The following IMMP2L variants were observed in gnomAD, a reference collection of about 807,000 sequenced individuals.
The protein encoded by IMMP2L is inner mitochondrial membrane peptidase subunit 2.
Under a neutral mutation model 19.3 loss-of-function variants are expected in IMMP2L, and 18 were observed. That is an observed-to-expected ratio of 0.93 (90% CI 0.64 to 1.38). The LOEUF is 1.38. IMMP2L is among the 40% of genes most tolerant of loss of function. IMMP2L has a pLI of 0.00. For synonymous variants in IMMP2L, 76 were observed against 73.0 expected (o/e 1.04, Z -0.21); for missense variants, 233 against 218.2 (o/e 1.07, Z -0.43).
chr7:111,326,692 A>G (rs536335600), intron 3 of IMMP2L, among the ~76,000 whole-genome samples: 1 of 151,976 alleles, frequency 6.6e-6, no homozygotes, highest in African/African-American at 2.4e-5. Context: ...CAACAACAAA[A>G]GAAAAACAAG....
chr7:111,393,708 C>G (rs1832608723), intron 3 of IMMP2L, among the ~76,000 whole-genome samples: 1 of 152,134 alleles, frequency 6.6e-6, no homozygotes, highest in African/African-American at 2.4e-5. Context: ...ACCACCATCC[C>G]TCACGCCCAA....
At position 111,123,225 on chromosome 7, in the gene IMMP2L, G is replaced by T. The variant is rs1298190866; in HGVS notation, c.240-159660C>A. ...AAGAACTCTATATTAATCACAACTT[G>T]CTTTCTACAATTTCACCTGGAGCCT... On this transcript the variant is annotated intron_variant, in intron 3 of 5. Transcript: ENST00000405709. The surrounding 1 kb of genome is among the most constrained non-coding windows in gnomAD (Gnocchi z 6.4). 1 of 1,613,702 alleles carries T rather than the reference G, an allele frequency of 6.2e-7. No homozygotes were observed. Among genetic ancestry groups the T allele is most frequent in the Admixed American group, 1.7e-5 (1 of 59,922 alleles).
chr7:110,702,937 A>G (rs1264405846), intron 5 of IMMP2L, among the ~76,000 whole-genome samples: 2 of 152,144 alleles, frequency 1.3e-5, no homozygotes, highest in Non-Finnish European at 2.9e-5. Flanking sequence ...CTTCAGTACA[A>G]CACTGAATTA....
chr7:111,128,952 T>C (rs1801583832), intron 3 of IMMP2L, among the ~76,000 whole-genome samples: 1 of 152,224 alleles, frequency 6.6e-6, no homozygotes, highest in Admixed American at 6.5e-5. Flanking sequence ...TTATCTAGCA[T>C]AGACAAAATG....
intron 3 of IMMP2L, among the ~76,000 whole-genome samples, chr7:111,308,435 C>A (rs1273214584): frequency 3.3e-5 from 5 of 151,884 alleles, no homozygotes; most frequent in Non-Finnish European, 5.9e-5. Flanking sequence ...AGTGAAAAAA[C>A]AAGCAGTTAC....
chr7:110,784,446 C>T (rs1014283589), intron 5 of IMMP2L, among the ~76,000 whole-genome samples: 1 of 151,926 alleles, frequency 6.6e-6, no homozygotes, highest in Non-Finnish European at 1.5e-5. Context: ...ATTCCATCTT[C>T]ATCTACCATG....
At chr7:111,071,632 T>A (rs1200475660) in intron 3 of IMMP2L, among the ~76,000 whole-genome samples, 4 of 152,120 alleles carry the variant, frequency 2.6e-5, no homozygotes, top group South Asian at 2.1e-4. Flanking sequence ...AATCCAGACA[T>A]AATGGGTCAC....
intron 4 of IMMP2L, among the ~76,000 whole-genome samples, chr7:110,889,829 G>A (rs10249077): frequency 9.2e-4 from 140 of 152,250 alleles, no homozygotes; most frequent in African/African-American, 3.2e-3. Flanking sequence ...TTACACAGCT[G>A]GGCAAGTAAC....
chr7:110,688,841 C>CTGTA (rs1243440541), intron 5 of IMMP2L, among the ~76,000 whole-genome samples: 3 of 151,434 alleles, frequency 2.0e-5, no homozygotes, highest in East Asian at 3.9e-4. Flanking sequence ...CTGTCTCTCT[C>CTGTA]TGTATGTATG....
At chr7:111,336,200 C>G (rs1826388088) in intron 3 of IMMP2L, among the ~76,000 whole-genome samples, 1 of 144,174 alleles carries the variant, frequency 6.9e-6, no homozygotes, top group Non-Finnish European at 1.5e-5. Flanking sequence ...GTGTGTGCCG[C>G]CAGGCCGGCT....
At chr7:111,492,286 C>T (rs940133372) in intron 2 of IMMP2L, 25 of 483,442 alleles carry the variant, frequency 5.2e-5, no homozygotes, top group Non-Finnish European at 6.2e-5. Flanking sequence ...AACAAAGATC[C>T]TATTCCAGCC....
At chr7:111,075,185 G>C (rs1795295361) in intron 3 of IMMP2L, among the ~76,000 whole-genome samples, 1 of 136,360 alleles carries the variant, frequency 7.3e-6, no homozygotes, top group South Asian at 2.3e-4. Flanking sequence ...GGAGTACAGT[G>C]GCACAATCTC....
intron 4 of IMMP2L, among the ~76,000 whole-genome samples, chr7:110,952,508 A>G (rs1436178725): frequency 4.6e-5 from 7 of 152,142 alleles, no homozygotes; most frequent in South Asian, 4.1e-4. Flanking sequence ...AGAACTTCAT[A>G]ATGTCCATCT....
rs1056691668 is a variant in IMMP2L at position 111,501,225 on chromosome 7, G to A, written c.136-13884C>T. Among the ~76,000 whole-genome samples, 983 of 152,238 alleles carry A rather than the reference G, an allele frequency of 6.5e-3. 12 individuals are homozygous for A. The highest frequency in any genetic ancestry group is 0.021 in the African/African-American group (853 of 41,534). On this transcript the variant is annotated intron_variant, in intron 2 of 5. Coordinates refer to ENST00000405709, the MANE Select transcript of IMMP2L (RefSeq NM_032549.4). ...ATCAACTGGAAGAAAGGGTATCAGT[G>A]ATGGAAGACGAAATGAATGAAATGA...
intron 5 of IMMP2L, among the ~76,000 whole-genome samples, chr7:110,672,493 C>T (rs1791988808): frequency 6.6e-6 from 1 of 152,144 alleles, no homozygotes; most frequent in Non-Finnish European, 1.5e-5. Context: ...CCAACAGTCC[C>T]CCAAAGTCTT....
chr7:110,805,449 T>A (rs1801564789), intron 5 of IMMP2L, among the ~76,000 whole-genome samples: 2 of 152,120 alleles, frequency 1.3e-5, no homozygotes, highest in African/African-American at 4.8e-5. Flanking sequence ...CCAACATCCA[T>A]GCATAATCTG....
At chr7:110,701,403 A>C (rs1200328275) in intron 5 of IMMP2L, among the ~76,000 whole-genome samples, 1 of 152,112 alleles carries the variant, frequency 6.6e-6, no homozygotes, top group Non-Finnish European at 1.5e-5. Context: ...AATCTTGGGA[A>C]ACATGACAAA....
chr7:110,989,551 A>C (rs1822234016), intron 3 of IMMP2L, among the ~76,000 whole-genome samples: 1 of 150,162 alleles, frequency 6.7e-6, no homozygotes, highest in Non-Finnish European at 1.5e-5. Flanking sequence ...AAAAAAAAAA[A>C]GTTATTCTGG....
chr7:110,785,404 G>A (rs1800004286), intron 5 of IMMP2L, among the ~76,000 whole-genome samples: 1 of 151,924 alleles, frequency 6.6e-6, no homozygotes, highest in Admixed American at 6.6e-5. Flanking sequence ...TGGTGACCTT[G>A]AAAATCAGAT....
Sources: gnomAD v4.1 joint callset for allele counts (sites outside exome capture counted in the v4.1 genomes callset) on GRCh38, gnomAD v4.1.1 for gene constraint, Gnocchi (gnomAD v3.1) non-coding constraint, MANE v1.5 for transcripts, NCBI Gene and HGNC (gene_info 2026-07-23, HGNC 2026-07-21) for gene names.